Variants in GPC5 observed in about 807,000 individuals in gnomAD.
The protein encoded by GPC5 is glypican 5.
GPC5 carries 47 observed loss-of-function variants against 53.9 expected under a neutral mutation model. The observed-to-expected ratio is 0.87, with a 90% CI of 0.69 to 1.11. GPC5 has a LOEUF of 1.11. GPC5 is among the 50% of genes most tolerant of loss of function. The pLI is 0.00. For synonymous variants in GPC5, 286 were observed against 263.3 expected (o/e 1.09, Z -0.84); for missense variants, 748 against 713.1 (o/e 1.05, Z -0.56).
intron 7 of GPC5, among the ~76,000 whole-genome samples, chr13:92,358,150 G>GA (rs1268496234): frequency 6.6e-6 from 1 of 151,744 alleles, no homozygotes; most frequent in Non-Finnish European, 1.5e-5. Flanking sequence ...CCAAAAGGGG[G>GA]AATCTGCCAT....
chr13:92,654,522 T>C (rs1030882958), intron 7 of GPC5, among the ~76,000 whole-genome samples: 10 of 152,160 alleles, frequency 6.6e-5, no homozygotes, highest in Non-Finnish European at 1.5e-5. Flanking sequence ...TATATTAAAT[T>C]ACACTTGACC....
chr13:91,788,760 C>T (rs1236498169), intron 5 of GPC5, among the ~76,000 whole-genome samples: 2 of 151,928 alleles, frequency 1.3e-5, no homozygotes, highest in Non-Finnish European at 2.9e-5. Flanking sequence ...GGTGGCTGGG[C>T]CTTGTTTATT....
chr13:92,655,322 T>TTTAC lies in GPC5; in HGVS notation c.1562-210957_1562-210956insCTTA, dbSNP rs879666499. On this transcript the variant is annotated intron_variant, in intron 7 of 7. Transcript: ENST00000377067. ...TTTTATTTATTTATTTATTTATTTA[T>TTTAC]TTATTTATTTTATTTTTATTTTATT... 5.7e-3 allele frequency among the ~76,000 whole-genome samples: 783 copies of TTTAC among 136,624 alleles called. 33 individuals carry two copies. The highest frequency in any genetic ancestry group is 0.049 in the Admixed American group (667 of 13,716). 89.6% of individuals were successfully genotyped at this position (136,624 alleles called of 152,430 possible).
At chr13:92,638,327 G>A (rs747200142) in intron 7 of GPC5, among the ~76,000 whole-genome samples, 1 of 152,090 alleles carries the variant, frequency 6.6e-6, no homozygotes, top group Non-Finnish European at 1.5e-5. Flanking sequence ...TGAGGCAGAG[G>A]TAAAGAAAAG....
At chr13:91,508,056 G>T (rs1242178310) in intron 2 of GPC5, among the ~76,000 whole-genome samples, 2 of 152,118 alleles carry the variant, frequency 1.3e-5, no homozygotes, top group African/African-American at 4.8e-5. Context: ...TATGATAAAG[G>T]ATAAGTGACC....
intron 7 of GPC5, among the ~76,000 whole-genome samples, chr13:92,403,057 GC>G (rs1875630066): frequency 6.6e-6 from 1 of 152,100 alleles, no homozygotes; most frequent in South Asian, 2.1e-4. Context: ...GACAACTGTA[GC>G]TACAACTCAA....
chr13:91,703,025 AGTTT>A (rs1194274214), intron 3 of GPC5, among the ~76,000 whole-genome samples: 26 of 152,114 alleles, frequency 1.7e-4, no homozygotes, highest in Admixed American at 2.0e-4. Context: ...CATTTAATAA[AGTTT>A]GTTTATTATT....
chr13:92,399,442 C>A (rs917168564), intron 7 of GPC5, among the ~76,000 whole-genome samples: 1 of 152,122 alleles, frequency 6.6e-6, no homozygotes, highest in Admixed American at 6.5e-5. Flanking sequence ...TTTCACCCAA[C>A]TTTCTCCTTC....
intron 5 of GPC5, among the ~76,000 whole-genome samples, chr13:91,793,289 G>A (rs748493258): frequency 6.6e-6 from 1 of 152,094 alleles, no homozygotes. Context: ...CACAAGAACA[G>A]CATGGGGAAA....
intron 5 of GPC5, among the ~76,000 whole-genome samples, chr13:91,823,253 C>T (rs1243901451): frequency 6.6e-6 from 1 of 151,964 alleles, no homozygotes; most frequent in Non-Finnish European, 1.5e-5. Context: ...TGTGTTATGC[C>T]ACTACCCCCA....
intron 2 of GPC5, among the ~76,000 whole-genome samples, chr13:91,591,881 T>A (rs1413574733): frequency 6.6e-6 from 1 of 152,246 alleles, no homozygotes; most frequent in African/African-American, 2.4e-5. Context: ...GTTTCAACTT[T>A]CTCCTGAATC....
intron 6 of GPC5, among the ~76,000 whole-genome samples, chr13:92,102,612 G>A (rs2041476356): frequency 6.6e-6 from 1 of 152,156 alleles, no homozygotes. Context: ...TATAATTGGT[G>A]GTTCAGAAAT....
chr13:92,591,380 A>T (rs1883706726), intron 7 of GPC5, among the ~76,000 whole-genome samples: 1 of 151,990 alleles, frequency 6.6e-6, no homozygotes, highest in Admixed American at 6.6e-5. Context: ...ACTCTAGGGG[A>T]ATGCCCTTTT....
chr13:92,706,523 C>CAGTT (rs1887957714), intron 7 of GPC5, among the ~76,000 whole-genome samples: 1 of 152,032 alleles, frequency 6.6e-6, no homozygotes, highest in South Asian at 2.1e-4. Flanking sequence ...CCAGCTCCCA[C>CAGTT]AGTTAGATTC....
chr13:92,161,672 ATTAGT>A (rs371163223), intron 7 of GPC5, among the ~76,000 whole-genome samples: 6 of 152,130 alleles, frequency 3.9e-5, no homozygotes, highest in African/African-American at 1.2e-4. Flanking sequence ...AATATTTTGC[ATTAGT>A]TTAATGTGTA....
intron 5 of GPC5, among the ~76,000 whole-genome samples, chr13:91,863,825 T>C (rs2039056337): frequency 6.6e-6 from 1 of 152,158 alleles, no homozygotes; most frequent in African/African-American, 2.4e-5. Flanking sequence ...TCTCTCCCCT[T>C]TTAATGATTA....
At chr13:91,882,376 C>CATGT (rs2138951853) in intron 5 of GPC5, among the ~76,000 whole-genome samples, 1 of 152,012 alleles carries the variant, frequency 6.6e-6, no homozygotes, top group Non-Finnish European at 1.5e-5. Flanking sequence ...TAAGCCATAA[C>CATGT]AGAGAGACAT....
In GPC5 at chr13:92,669,160, T is replaced by G. The variant is rs137932776; in HGVS notation, c.1562-197122T>G. 2.0e-3 allele frequency among the ~76,000 whole-genome samples: 297 copies of G among 152,278 alleles called. 1 individual carries two copies. Among genetic ancestry groups the G allele is most frequent in the African/African-American group, 6.8e-3 (284 of 41,570 alleles). On this transcript the variant is annotated intron_variant, in intron 7 of 7. Transcript: ENST00000377067. ...GACTTCTTATATTAATATAATTTTGTATATATGCAGGGGTTTCATTTCTGT... is the reference window on the plus strand; with the variant it reads ...GACTTCTTATATTAATATAATTTTGGATATATGCAGGGGTTTCATTTCTGT...
At chr13:92,632,720 T>TGAGACTGGC (rs1885290144) in intron 7 of GPC5, among the ~76,000 whole-genome samples, 1 of 152,014 alleles carries the variant, frequency 6.6e-6, no homozygotes, top group Non-Finnish European at 1.5e-5. Flanking sequence ...AAGACATACC[T>TGAGACTGGC]GAGACTGGCC....
Sources: allele counts gnomAD v4.1 joint callset (sites outside exome capture counted in the v4.1 genomes callset), GRCh38; gene constraint gnomAD v4.1.1; transcripts MANE v1.5; gene names NCBI Gene and HGNC (gene_info 2026-07-23, HGNC 2026-07-21).